Variants in INSL4 observed in about 807,000 individuals in gnomAD.
The protein encoded by INSL4 is insulin like 4.
In INSL4, 7 loss-of-function variants were observed where a neutral mutation model predicts 6.5. The observed-to-expected ratio is 1.08, with a 90% CI of 0.61 to 2.02. The LOEUF (loss-of-function observed/expected upper bound fraction) is 2.02, where lower values mean the gene tolerates loss of function less well. Ranked by LOEUF, INSL4 falls within the 30% of genes most tolerant of loss-of-function variation. INSL4 has a pLI of 0.00. For synonymous variants in INSL4, 82 were observed against 65.8 expected (o/e 1.25, Z -1.19); for missense variants, 226 against 163.2 (o/e 1.38, Z -2.09).
chr9:5,231,722 G>A lies in INSL4; in HGVS notation c.196+3G>A, dbSNP rs775918218. On this transcript the variant is annotated splice_donor_region_variant and intron_variant, in intron 1 of 1. Transcript: ENST00000239316. ...GCTGGAATCTGGACGTCCCAAAGGT[G>A]AGAGCCCTGGACTACCAAACAATCA... The A allele has an allele frequency of 6.2e-7, 1 of 1,612,890 alleles. No homozygotes were observed. The highest frequency in any genetic ancestry group is 1.7e-5 in the Admixed American group (1 of 59,972).
In INSL4 at chr9:5,231,713, C is replaced by T. The variant is rs181295064; in HGVS notation, c.190C>T (p.Pro64Ser). Residue 64 changes from proline (P) to serine (S), a missense_variant, in exon 1 of 2, where the codon CCC becomes TCC. By Grantham distance (74) the Pro-to-Ser change is moderately conservative. Transcript: ENST00000239316. Reference sequence around the variant, plus strand: ...AGGGTGGCTGCTGGAATCTGGACGTCCCAAAGGTGAGAGCCCTGGACTACC... The same window carrying T: ...AGGGTGGCTGCTGGAATCTGGACGTTCCAAAGGTGAGAGCCCTGGACTACC... ...PGGWLLESGR[P>S]KEMVSTSNNK... 2 of 1,613,390 alleles carry T rather than the reference C, an allele frequency of 1.2e-6. No homozygotes were observed. Among genetic ancestry groups the T allele is most frequent in the African/African-American group, 2.7e-5 (2 of 75,010 alleles).
intron 1 of INSL4, 74 bp from the exon 2 acceptor site, chr9:5,233,580 A>G (rs1826180021): frequency 8.5e-7 from 1 of 1,178,406 alleles, no homozygotes; most frequent in Non-Finnish European, 1.2e-6. Context: ...GTCTAGGCAA[A>G]TTGTATAATT....
At chr9:5,232,048 G>T (rs978968035) in intron 1 of INSL4, among the ~76,000 whole-genome samples, 7 of 152,062 alleles carry the variant, frequency 4.6e-5, no homozygotes, top group Non-Finnish European at 8.8e-5. Context: ...CAGGAGGTGA[G>T]GTGTACTCCC....
intron 1 of INSL4, among the ~76,000 whole-genome samples, chr9:5,233,244 G>T (rs1050013880): frequency 9.2e-5 from 14 of 152,114 alleles, no homozygotes; most frequent in Admixed American, 7.9e-4. Flanking sequence ...TAGATGTATA[G>T]ATTTATGTGG....
In INSL4 at chr9:5,231,598, A is replaced by G. The variant is rs760038331; in HGVS notation, c.75A>G (p.Ala25=). The part of the protein sequence containing the change: ...LLSQLLRESL[A]AELRGCGPRF... ...GCCAACTCCTTAGAGAAAGCCTAGC[A>G]GCAGAGCTGAGGGGATGTGGTCCCC... Residue 25 remains alanine (A), a synonymous_variant, in exon 1 of 2, where the codon GCA becomes GCG. Coordinates refer to ENST00000239316, the MANE Select transcript of INSL4 (RefSeq NM_002195.2). 1.9e-6 allele frequency: 3 copies of G among 1,613,834 alleles called. No homozygotes were observed. The highest frequency in any genetic ancestry group is 1.1e-5 in the South Asian group (1 of 91,084).
Position 5,234,203 on chromosome 9 carries a change from G to T in INSL4, c.*326G>T. The T allele has an allele frequency of 3.7e-6, 1 of 272,852 alleles. No individual in the cohort carries two copies. Among genetic ancestry groups the T allele is most frequent in the African/African-American group, 2.2e-5 (1 of 45,094 alleles). 16.9% of individuals were successfully genotyped at this position (272,852 alleles called of 1,614,324 possible). ...TTTGGATGCATATCCCAATTACCCT[G>T]ATTTGATCATTACACATTATATACA... On this transcript the variant is annotated 3_prime_UTR_variant, in exon 2 of 2. Transcript: ENST00000239316.
In INSL4 at chr9:5,235,220, A is replaced by G. The variant is rs1826209290; in HGVS notation, c.*1343A>G. 1 of 152,962 alleles carries G rather than the reference A, an allele frequency of 6.5e-6. No homozygotes were observed. Among genetic ancestry groups the G allele is most frequent in the African/African-American group, 2.4e-5 (1 of 41,454 alleles). The allele number at this position is 152,962 out of a possible 1,614,324, so 9.5% of individuals were successfully genotyped here. A position where few individuals can be genotyped will look rare whatever the true frequency, so the allele number is the denominator to read the frequency against. On this transcript the variant is annotated 3_prime_UTR_variant, in exon 2 of 2. Transcript: ENST00000239316. ...AAGGAATTGTCAAGATCTGGTTGGA[A>G]TGGAGACAGGAGAGAGGATCTCAAA...
At chr9:5,232,049 G>T (rs1034607586) in intron 1 of INSL4, among the ~76,000 whole-genome samples, 7 of 152,112 alleles carry the variant, frequency 4.6e-5, no homozygotes, top group Non-Finnish European at 8.8e-5. Context: ...AGGAGGTGAG[G>T]TGTACTCCCA....
chr9:5,233,865 A>G lies in INSL4; in HGVS notation c.408A>G (p.Lys136=). 1 of 1,607,634 alleles carries G rather than the reference A, an allele frequency of 6.2e-7. No individual in the cohort carries two copies. Among genetic ancestry groups the G allele is most frequent in the Non-Finnish European group, 8.5e-7 (1 of 1,174,378 alleles). The part of the protein sequence containing the change: ...EVICDDGTSV[K]LCT The stretch of plus-strand genomic sequence containing the variant: ...TTTGTGACGATGGAACTTCAGTTAA[A>G]TTATGTACATAGTAGAGTAATCATG... The change falls in exon 2 of 2, where the codon AAA becomes AAG. Residue 136 remains lysine, a synonymous_variant. Transcript: ENST00000239316.
Position 5,234,200 on chromosome 9 carries a change from C to A in INSL4, c.*323C>A. On this transcript the variant is annotated 3_prime_UTR_variant, in exon 2 of 2. Coordinates refer to ENST00000239316, the MANE Select transcript of INSL4 (RefSeq NM_002195.2). ...TAGTTTGGATGCATATCCCAATTAC[C>A]CTGATTTGATCATTACACATTATAT... 3.5e-6 allele frequency: 1 copy of A among 282,266 alleles called. No individual in the cohort carries two copies. Among genetic ancestry groups the A allele is most frequent in the South Asian group, 4.6e-5 (1 of 21,900 alleles). 17.5% of individuals were successfully genotyped at this position (282,266 alleles called of 1,614,324 possible).
In INSL4 at chr9:5,231,545, T is replaced by C; in HGVS notation, c.22T>C (p.Tyr8His). Residue 8 changes from tyrosine (Y) to histidine (H), a missense_variant, in exon 1 of 2, where the codon TAT becomes CAT. Physicochemically the swap from Tyr to His is moderately conservative, Grantham distance 83. Coordinates refer to ENST00000239316, the MANE Select transcript of INSL4 (RefSeq NM_002195.2). Reference sequence around the variant, plus strand: ...CAGGATGGCCAGCCTGTTCCGGTCCTATCTGCCAGCAATCTGGCTGCTGCT... The same window carrying C: ...CAGGATGGCCAGCCTGTTCCGGTCCCATCTGCCAGCAATCTGGCTGCTGCT... The part of the protein sequence containing the change: MASLFRS[Y>H]LPAIWLLLSQ... The C allele has an allele frequency of 6.2e-7, 1 of 1,613,474 alleles. No homozygotes were observed. The highest frequency in any genetic ancestry group is 8.5e-7 in the Non-Finnish European group (1 of 1,179,834).
At position 5,233,806 on chromosome 9, in the gene INSL4, C is replaced by T. The variant is rs575960188; in HGVS notation, c.349C>T (p.Arg117Cys). 6.4e-5 allele frequency: 104 copies of T among 1,613,648 alleles called. No individual in the cohort carries two copies. Among genetic ancestry groups the T allele is most frequent in the African/African-American group, 9.3e-5 (7 of 75,016 alleles). The change falls in exon 2 of 2, where the codon CGT (arginine) becomes TGT (cysteine). Residue 117 changes from arginine (R) to cysteine (C), a missense_variant. Physicochemically the swap from Arg to Cys is radical, Grantham distance 180. Coordinates refer to ENST00000239316, the MANE Select transcript of INSL4 (RefSeq NM_002195.2). ...ACTTTCCCGCAAAAAGAGAAGTGGA[C>T]GTCACAGATTTGATCCATTCTGTTG... is the stretch of plus-strand genomic sequence containing the variant. ...IILSRKKRSG[R>C]HRFDPFCCEV...
At chr9:5,233,249 A>G (rs555802212) in intron 1 of INSL4, among the ~76,000 whole-genome samples, 1 of 152,158 alleles carries the variant, frequency 6.6e-6, no homozygotes, top group Non-Finnish European at 1.5e-5. Flanking sequence ...GTATAGATTT[A>G]TGTGGATCAG....
Position 5,235,176 on chromosome 9 carries a change from C to A in INSL4, c.*1299C>A, listed in dbSNP as rs1826208472. On this transcript the variant is annotated 3_prime_UTR_variant, in exon 2 of 2. Coordinates refer to ENST00000239316, the MANE Select transcript of INSL4 (RefSeq NM_002195.2). ...GTGGAAACAGCCAGAGTCAGCAGGG[C>A]AGGAGGTGGTGTGGAGAAAAGGAAT... 2 of 153,134 alleles carry A rather than the reference C, an allele frequency of 1.3e-5. No homozygotes were observed. Among genetic ancestry groups the A allele is most frequent in the South Asian group, 4.1e-4 (2 of 4,820 alleles). 9.5% of individuals were successfully genotyped at this position (153,134 alleles called of 1,614,324 possible).
In INSL4 at chr9:5,233,758, C is replaced by A; in HGVS notation, c.301C>A (p.Gln101Lys). ...PELKKPLSEG[Q>K]PSLKKIILSR... The stretch of plus-strand genomic sequence containing the variant: ...GCTGAAGAAACCACTGTCTGAAGGG[C>A]AGCCATCATTGAAGAAAATAATACT... Residue 101 changes from glutamine (Q) to lysine (K), a missense_variant, in exon 2 of 2, where the codon CAG becomes AAG. Gln to Lys is a moderately conservative substitution (Grantham distance 53). Coordinates refer to ENST00000239316, the MANE Select transcript of INSL4 (RefSeq NM_002195.2). 1.2e-6 allele frequency: 2 copies of A among 1,613,540 alleles called. No individual in the cohort carries two copies. The highest frequency in any genetic ancestry group is 1.7e-5 in the Admixed American group (1 of 59,962).
At position 5,231,452 on chromosome 9, in the gene INSL4, T is replaced by C. The variant is rs943038516; in HGVS notation, c.-72T>C. The C allele has an allele frequency of 1.4e-6, 2 of 1,450,490 alleles. No individual in the cohort carries two copies. The highest frequency in any genetic ancestry group is 1.3e-5 in the South Asian group (1 of 76,344). 89.9% of individuals were successfully genotyped at this position (1,450,490 alleles called of 1,614,324 possible). On this transcript the variant is annotated 5_prime_UTR_variant, in exon 1 of 2. Transcript: ENST00000239316. ...GCCCAGAAGGGACACACCAGCACAG[T>C]CTGGTAGGCTACAGCAGCAAGTCTC...
Position 5,235,298 on chromosome 9 carries a change from G to A in INSL4, c.*1421G>A, listed in dbSNP as rs1009506304. On this transcript the variant is annotated 3_prime_UTR_variant, in exon 2 of 2. Transcript: ENST00000239316. ...TTAGGCTGCATCCTGGAGTAAGGAA[G>A]AACTGCTCATGATCTTGATACATCT... 6.6e-6 allele frequency: 1 copy of A among 152,428 alleles called. No individual in the cohort carries two copies. Among genetic ancestry groups the A allele is most frequent in the African/African-American group, 2.4e-5 (1 of 41,416 alleles). The allele number at this position is 152,428 out of a possible 1,614,324, so 9.4% of individuals were successfully genotyped here.
chr9:5,231,771 T>C, intron 1 of INSL4, 52 bp downstream of exon 1: 1 of 1,517,456 alleles, frequency 6.6e-7, no homozygotes, highest in Non-Finnish European at 9.1e-7. Flanking sequence ...AAAAACAGGC[T>C]CCAGATCTCA....
At chr9:5,232,517 G>T (rs76166313) in intron 1 of INSL4, among the ~76,000 whole-genome samples, 2,249 of 152,214 alleles carry the variant, frequency 0.015, 51 homozygotes, top group African/African-American at 0.046. Context: ...GATTTGATTA[G>T]TGTTTTCAAC....
Sources: allele counts gnomAD v4.1 joint callset (sites outside exome capture counted in the v4.1 genomes callset), GRCh38; gene constraint gnomAD v4.1.1; transcripts MANE v1.5; gene names NCBI Gene and HGNC (gene_info 2026-07-23, HGNC 2026-07-21).